UNC5C: variants seen among roughly 807,000 people sequenced by gnomAD.
UNC5C encodes the protein unc-5 netrin receptor C, also known as netrin receptor UNC5C.
A neutral mutation model predicts 99.8 loss-of-function variants in UNC5C; 47 were observed. That is an observed-to-expected ratio of 0.47 (90% CI 0.37 to 0.60). The LOEUF (loss-of-function observed/expected upper bound fraction) is 0.60. Ranked by LOEUF, UNC5C falls within the 20% of genes least tolerant of loss-of-function variation. UNC5C has a pLI of 0.00. For synonymous variants in UNC5C, 487 were observed against 452.2 expected (o/e 1.08, Z -0.98); for missense variants, 1,062 against 1,165.9 (o/e 0.91, Z 1.30).
intron 1 of UNC5C, among the ~76,000 whole-genome samples, chr4:95,543,345 C>T (rs1449911182): frequency 6.6e-6 from 1 of 152,110 alleles, no homozygotes; most frequent in Non-Finnish European, 1.5e-5. Context: ...AAAACATTTG[C>T]TCCAAACATG....
chr4:95,439,808 G>A (rs1188718904), intron 1 of UNC5C, among the ~76,000 whole-genome samples: 2 of 152,078 alleles, frequency 1.3e-5, no homozygotes, highest in African/African-American at 4.8e-5. Flanking sequence ...CCATATGTCA[G>A]GGCGTGTATT....
At chr4:95,277,439 C>T (rs1740904381) in intron 4 of UNC5C, among the ~76,000 whole-genome samples, 1 of 152,124 alleles carries the variant, frequency 6.6e-6, no homozygotes, top group Admixed American at 6.6e-5. Flanking sequence ...AAGGATGTCT[C>T]CTAATAATCA....
At chr4:95,293,169 T>C (rs1473018312) in intron 3 of UNC5C, among the ~76,000 whole-genome samples, 1 of 151,982 alleles carries the variant, frequency 6.6e-6, no homozygotes, top group Non-Finnish European at 1.5e-5. Context: ...AAGCAGCCTA[T>C]ATGTGGAATG....
intron 1 of UNC5C, among the ~76,000 whole-genome samples, chr4:95,473,482 AT>A (rs1458605737): frequency 2.6e-5 from 4 of 152,006 alleles, no homozygotes; most frequent in Non-Finnish European, 4.4e-5. Flanking sequence ...TTGCTGAGAA[AT>A]TTGCCTGCAT....
At chr4:95,480,951 G>C (rs1176618311) in intron 1 of UNC5C, among the ~76,000 whole-genome samples, 1 of 151,096 alleles carries the variant, frequency 6.6e-6, no homozygotes, top group Non-Finnish European at 1.5e-5. Flanking sequence ...ACTGGCACAA[G>C]ACAGGGATGC....
intron 2 of UNC5C, 80 bp downstream of exon 2, chr4:95,335,330 T>C: frequency 7.8e-7 from 1 of 1,280,826 alleles, no homozygotes; most frequent in African/African-American, 1.5e-5. Flanking sequence ...TTCCACTAAT[T>C]GAAATAACAG....
rs377553615 is a variant in UNC5C, at chr4:95,256,699, AAT to A, written c.595-6034_595-6033del. ...TTGTCTAGAGGGACAGAACTAAATA[AAT>A]ATATATATATATATATATATGAGTT... is the stretch of plus-strand genomic sequence containing the variant. On this transcript the variant is annotated intron_variant, in intron 4 of 15. Transcript: ENST00000453304. 5.6e-3 allele frequency among the ~76,000 whole-genome samples: 508 copies of A among 90,586 alleles called. 10 individuals carry two copies. Among genetic ancestry groups the A allele is most frequent in the African/African-American group, 0.015 (424 of 27,798 alleles). The allele number at this position is 90,586 out of a possible 152,430, so 59.4% of individuals were successfully genotyped here. A position where few individuals can be genotyped will look rare whatever the true frequency, so the allele number is the denominator to read the frequency against.
At chr4:95,524,740 A>G (rs902769559) in intron 1 of UNC5C, among the ~76,000 whole-genome samples, 2 of 152,200 alleles carry the variant, frequency 1.3e-5, no homozygotes, top group African/African-American at 4.8e-5. Context: ...CCAAGGAAGC[A>G]TAAGACTCAG....
chr4:95,462,926 G>A (rs369352182), intron 1 of UNC5C, among the ~76,000 whole-genome samples: 11 of 152,162 alleles, frequency 7.2e-5, no homozygotes, highest in African/African-American at 2.7e-4. Flanking sequence ...CCTTGAGGCT[G>A]CTCTGCTAGT....
chr4:95,329,130 A>G (rs1312551446), intron 2 of UNC5C, among the ~76,000 whole-genome samples: 2 of 152,042 alleles, frequency 1.3e-5, no homozygotes, highest in Non-Finnish European at 2.9e-5. Context: ...CATCTCTACA[A>G]AAAATGAAAA....
At chr4:95,379,451 G>A (rs1034779329) in intron 1 of UNC5C, among the ~76,000 whole-genome samples, 8 of 152,204 alleles carry the variant, frequency 5.3e-5, no homozygotes, top group South Asian at 2.1e-4. Flanking sequence ...TAAATTATGC[G>A]AAAACCTCTC....
intron 1 of UNC5C, among the ~76,000 whole-genome samples, chr4:95,355,027 G>A (rs185238036): frequency 1.1e-4 from 16 of 152,270 alleles, no homozygotes; most frequent in Admixed American, 5.2e-4. Context: ...TTGCAGAGCT[G>A]TCTGTATCTA....
intron 12 of UNC5C, among the ~76,000 whole-genome samples, chr4:95,201,802 C>T (rs1201883435): frequency 6.6e-6 from 1 of 152,166 alleles, no homozygotes; most frequent in Non-Finnish European, 1.5e-5. Flanking sequence ...GACGGGGTTT[C>T]ACCGTGTTAG....
chr4:95,361,130 G>A (rs1160896790), intron 1 of UNC5C, among the ~76,000 whole-genome samples: 1 of 152,164 alleles, frequency 6.6e-6, no homozygotes, highest in Non-Finnish European at 1.5e-5. Flanking sequence ...AGACAGCACG[G>A]ATCACATGTC....
At chr4:95,416,913 G>T (rs1195114974) in intron 1 of UNC5C, among the ~76,000 whole-genome samples, 1 of 152,186 alleles carries the variant, frequency 6.6e-6, no homozygotes, top group Non-Finnish European at 1.5e-5. Flanking sequence ...TAGAGCTACT[G>T]AATGCTTATG....
At chr4:95,541,626 A>G (rs1250579857) in intron 1 of UNC5C, among the ~76,000 whole-genome samples, 1 of 151,968 alleles carries the variant, frequency 6.6e-6, no homozygotes, top group Non-Finnish European at 1.5e-5. Context: ...TCTGTACTAC[A>G]TATTTATATT....
At chr4:95,276,332 G>T (rs1437816596) in intron 4 of UNC5C, among the ~76,000 whole-genome samples, 1 of 152,114 alleles carries the variant, frequency 6.6e-6, no homozygotes, top group Non-Finnish European at 1.5e-5. Context: ...TGTCAAATGG[G>T]TATATGATTT....
chr4:95,176,711 C>T (rs1182686739), intron 14 of UNC5C, among the ~76,000 whole-genome samples: 1 of 152,236 alleles, frequency 6.6e-6, no homozygotes, highest in Admixed American at 6.5e-5. Flanking sequence ...CTGTGCCCTG[C>T]CCCCAGAGGT....
At chr4:95,243,142 A>G (rs758855935) in intron 6 of UNC5C, among the ~76,000 whole-genome samples, 6 of 151,778 alleles carry the variant, frequency 4.0e-5, no homozygotes, top group African/African-American at 7.3e-5. Context: ...TACTTTTTTC[A>G]TCTGGCCTGC....
Sources: allele counts gnomAD v4.1 joint callset (sites outside exome capture counted in the v4.1 genomes callset), GRCh38; gene constraint gnomAD v4.1.1; transcripts MANE v1.5; gene names NCBI Gene and HGNC (gene_info 2026-07-23, HGNC 2026-07-21).